The following SDK2 variants were observed in gnomAD, a reference collection of about 807,000 sequenced individuals.
SDK2 encodes protein sidekick-2.
A neutral mutation model predicts 253.9 loss-of-function variants in SDK2; 105 were observed. The ratio of observed to expected loss-of-function variants is 0.41; its 90% CI spans 0.35 to 0.49. The LOEUF is 0.49. Ranked by LOEUF, SDK2 falls within the 20% of genes least tolerant of loss-of-function variation. The pLI is 0.06. For missense variants in SDK2, 2,608 were observed against 3,003.0 expected, an observed-to-expected ratio of 0.87 and a Z score of 3.07; for synonymous variants, 1,249 against 1,234.9, an observed-to-expected ratio of 1.01 and a Z score of -0.24.
chr17:73,415,020 G>A (rs994133402), intron 17 of SDK2, among the ~76,000 whole-genome samples: 1 of 152,220 alleles, frequency 6.6e-6, no homozygotes, highest in Admixed American at 6.5e-5. Context: ...GCTCTGGCAT[G>A]GTTTTCAGGT....
chr17:73,470,152 T>C (rs1251943836), intron 3 of SDK2, among the ~76,000 whole-genome samples: 1 of 151,868 alleles, frequency 6.6e-6, no homozygotes, highest in Non-Finnish European at 1.5e-5. Context: ...TGCACACACA[T>C]GAATACATGC....
rs58125753 is a variant in SDK2 at position 73,356,669 on chromosome 17, A to G, written c.5593+1410T>C. Among the ~76,000 whole-genome samples the G allele has an allele frequency of 5.0e-3, 767 of 152,174 alleles. 9 individuals carry two copies. Among genetic ancestry groups the G allele is most frequent in the African/African-American group, 0.017 (714 of 41,520 alleles). On this transcript the variant is annotated intron_variant, in intron 40 of 44. Coordinates refer to ENST00000392650, the MANE Select transcript of SDK2 (RefSeq NM_001144952.2). ...TGCTCTCAAACAGCCTTAGGGACAG[A>G]CCACCATGCCCCTTGCCCCCTCTCC...
intron 1 of SDK2, among the ~76,000 whole-genome samples, chr17:73,591,585 T>C (rs9906469): frequency 0.04 from 6,142 of 152,198 alleles, 215 homozygotes; most frequent in African/African-American, 0.092. Flanking sequence ...CTCTCGCAAA[T>C]TGGGGAATGC....
rs571231496 is a variant in SDK2 at position 73,478,544 on chromosome 17, G to A, written c.225-6326C>T. Among the ~76,000 whole-genome samples the A allele has an allele frequency of 5.3e-5, 8 of 152,302 alleles. No individual in the cohort carries two copies. The South Asian group carries it at 1.2e-3, about 24-fold the overall frequency. ...GACCCTGCGGCTCAGTCCACTCTTC[G>A]AAGATGAAGAGATGAGCTCAGGGTG... On this transcript the variant is annotated intron_variant, in intron 2 of 44. Coordinates refer to ENST00000392650, the MANE Select transcript of SDK2 (RefSeq NM_001144952.2).
At chr17:73,601,271 C>T (rs534597387) in intron 1 of SDK2, among the ~76,000 whole-genome samples, 71 of 152,116 alleles carry the variant, frequency 4.7e-4, no homozygotes, top group African/African-American at 1.5e-3. Context: ...CCACCCGCCT[C>T]GGCCTCCCAA....
At chr17:73,426,131 G>A (rs1183776001) in intron 12 of SDK2, among the ~76,000 whole-genome samples, 2 of 145,320 alleles carry the variant, frequency 1.4e-5, no homozygotes, top group Admixed American at 7.1e-5. Flanking sequence ...TGCAACCTCC[G>A]CCTCCCGGGT....
intron 1 of SDK2, among the ~76,000 whole-genome samples, chr17:73,562,631 C>T (rs996157647): frequency 2.6e-5 from 4 of 151,846 alleles, no homozygotes; most frequent in Non-Finnish European, 5.9e-5. Context: ...TCCAGGCTGC[C>T]GGACAAGGAT....
rs1394940192 is a variant in SDK2 at position 73,570,116 on chromosome 17, C to A, written c.65-62519G>T. Among the ~76,000 whole-genome samples the A allele has an allele frequency of 6.6e-6, 1 of 152,040 alleles. No individual in the cohort carries two copies. The highest frequency in any genetic ancestry group is 1.5e-5 in the Non-Finnish European group (1 of 67,980). On this transcript the variant is annotated intron_variant, in intron 1 of 44. Coordinates refer to ENST00000392650, the MANE Select transcript of SDK2 (RefSeq NM_001144952.2). This position sits in a 1 kb window ranked among gnomAD's most constrained non-coding sequence, Gnocchi z 4.2. ...TCTCCCCAGAGCCCCTCGGGACGGC[C>A]CCCCAGAGCCCCTCTTGGGGAGAGA...
intron 1 of SDK2, among the ~76,000 whole-genome samples, chr17:73,544,751 T>C (rs2044928869): frequency 6.6e-6 from 1 of 152,156 alleles, no homozygotes; most frequent in Admixed American, 6.5e-5. Flanking sequence ...AAACAGATCA[T>C]GGAGGGGAAA....
intron 20 of SDK2, 73 bp from the exon 21 acceptor site, chr17:73,401,284 C>T (rs1568383705): frequency 7.5e-7 from 1 of 1,330,672 alleles, no homozygotes; most frequent in African/African-American, 1.5e-5. Context: ...CTCCACTTCT[C>T]ACTTCTCCAC....
intron 44 of SDK2, among the ~76,000 whole-genome samples, chr17:73,342,596 G>T (rs866918921): frequency 6.6e-6 from 1 of 152,196 alleles, no homozygotes; most frequent in Non-Finnish European, 1.5e-5. Flanking sequence ...TAACTGACTT[G>T]AACAGTTGTT....
intron 1 of SDK2, among the ~76,000 whole-genome samples, chr17:73,508,178 G>A (rs578202392): frequency 1.3e-4 from 20 of 152,356 alleles, no homozygotes; most frequent in East Asian, 5.8e-4. Context: ...CTACCTCCCC[G>A]TTCACTCTAG....
In SDK2 at chr17:73,395,172, C is replaced by T; in HGVS notation, c.3575G>A (p.Gly1192Asp). The change falls in exon 25 of 45, where the codon GGC (glycine) becomes GAC (aspartate). Residue 1192 changes from glycine to aspartate, a missense_variant. Gly to Asp is a moderately conservative substitution (Grantham distance 94). Around this residue, in one of 2 missense-constraint regions of SDK2, gnomAD observed 1,505 missense variants for 1,859.1 expected, o/e 0.81. Transcript: ENST00000392650. This position sits in a 1 kb window ranked among gnomAD's most constrained non-coding sequence, Gnocchi z 4.3. The part of the protein sequence containing the change: ...GSGPWSQTVV[G>D]RTRESVPSSG... The stretch of plus-strand genomic sequence containing the variant: ...GTTGGTACCTGACTCCCGGGTCCTG[C>T]CCACCACCGTCTGGCTCCAGGGCCC... 1 of 1,599,306 alleles carries T rather than the reference C, an allele frequency of 6.3e-7. No homozygotes were observed.
intron 1 of SDK2, among the ~76,000 whole-genome samples, chr17:73,580,562 G>A (rs563148474): frequency 3.3e-5 from 5 of 152,378 alleles, no homozygotes; most frequent in African/African-American, 1.2e-4. Flanking sequence ...CCCAAGCTCA[G>A]AGGGACCCGT....
intron 18 of SDK2, among the ~76,000 whole-genome samples, chr17:73,414,067 G>T (rs1342670781): frequency 9.4e-5 from 14 of 149,660 alleles, no homozygotes; most frequent in Non-Finnish European, 1.6e-4. Flanking sequence ...TTTTTTTTGG[G>T]ACAGAGTTTC....
chr17:73,555,122 T>A (rs1348037713), intron 1 of SDK2, among the ~76,000 whole-genome samples: 1 of 152,240 alleles, frequency 6.6e-6, no homozygotes, highest in Admixed American at 6.5e-5. Context: ...TAGCTGCATA[T>A]GCAGCCCCGA....
chr17:73,477,472 T>G (rs893609078), intron 2 of SDK2, among the ~76,000 whole-genome samples: 1 of 152,226 alleles, frequency 6.6e-6, no homozygotes, highest in African/African-American at 2.4e-5. Context: ...CTTCTGTTCT[T>G]TCTTAGATGT....
intron 12 of SDK2, among the ~76,000 whole-genome samples, chr17:73,424,399 A>G (rs1308975821): frequency 6.6e-6 from 1 of 152,208 alleles, no homozygotes; most frequent in Non-Finnish European, 1.5e-5. Flanking sequence ...AAGCGCTTGC[A>G]AAACAGCCAG....
intron 1 of SDK2, among the ~76,000 whole-genome samples, chr17:73,567,510 G>C (rs2045328647): frequency 6.6e-6 from 1 of 152,236 alleles, no homozygotes; most frequent in South Asian, 2.1e-4. Flanking sequence ...TGTGGAAATG[G>C]GGCTACCAGC....
Sources: gnomAD v4.1 joint callset for allele counts (sites outside exome capture counted in the v4.1 genomes callset) on GRCh38, gnomAD v4.1.1 for gene constraint, gnomAD v4.1.1 regional missense constraint, Gnocchi (gnomAD v3.1) non-coding constraint, MANE v1.5 for transcripts, NCBI Gene and HGNC (gene_info 2026-07-23, HGNC 2026-07-21) for gene names.